Variants in SYNE1 observed in about 807,000 individuals in gnomAD.
SYNE1 encodes nesprin-1.
In SYNE1, 616 loss-of-function variants were observed where a neutral mutation model predicts 1,111.0. The observed-to-expected ratio is 0.55, with a 90% CI of 0.52 to 0.59. The LOEUF is 0.59. Among genes scored for constraint, SYNE1 ranks in the 20% least tolerant of loss-of-function variants. SYNE1 has a pLI of 0.00. For synonymous variants in SYNE1, 3,855 were observed against 3,825.8 expected, an observed-to-expected ratio of 1.01 and a Z score of -0.28; for missense variants, 10,006 against 10,417.0, an observed-to-expected ratio of 0.96 and a Z score of 1.72.
Position 152,362,357 on chromosome 6 carries a change from T to C in SYNE1, c.10146-34A>G, listed in dbSNP as rs202209115. 1.1e-3 allele frequency: 1,790 copies of C among 1,613,890 alleles called. 2 individuals are homozygous for C. The highest frequency in any genetic ancestry group is 1.4e-3 in the Non-Finnish European group (1,653 of 1,179,976). On this transcript the variant is annotated intron_variant, in intron 63 of 145. Transcript: ENST00000367255. ...GATTTGAAAGGACAATAAATCCACATTGAGAATCCTTAGGAGTCTAAAATG... is the reference window on the plus strand; with the variant it reads ...GATTTGAAAGGACAATAAATCCACACTGAGAATCCTTAGGAGTCTAAAATG...
At chr6:152,572,659 GAA>G (rs1049778692) in intron 3 of SYNE1, among the ~76,000 whole-genome samples, 2 of 152,168 alleles carry the variant, frequency 1.3e-5, no homozygotes, top group African/African-American at 2.4e-5. Context: ...ATTCGTTCCA[GAA>G]AAAGTCTTTC....
intron 96 of SYNE1, 66 bp downstream of exon 96, chr6:152,283,912 T>A (rs1045998444): frequency 7.7e-7 from 1 of 1,296,932 alleles, no homozygotes; most frequent in Non-Finnish European, 1.1e-6. Flanking sequence ...GTAACCCACA[T>A]ACTTGGTAAC....
At chr6:152,361,602 A>G (rs2154067826) in intron 64 of SYNE1, among the ~76,000 whole-genome samples, 1 of 152,288 alleles carries the variant, frequency 6.6e-6, no homozygotes, top group Non-Finnish European at 1.5e-5. Flanking sequence ...TCTGTGTAGA[A>G]GATCACAAGT....
rs772233604 is a variant in SYNE1, at chr6:152,230,579, C to G, written c.21163G>C (p.Ala7055Pro). Residue 7055 changes from alanine (A) to proline (P), a missense_variant, in exon 115 of 146, where the codon GCT (alanine) becomes CCT (proline). By Grantham distance (27) the Ala-to-Pro change is conservative. Transcript: ENST00000367255. The stretch of plus-strand genomic sequence containing the variant: ...TCTTTCAGTGCATTTTGAACAGAAG[C>G]CTGATCTCCAATTCGATGCTGTTGT... ...LKQQHRIGDQ[A>P]SVQNALKDCQ... 43 of 1,613,976 alleles carry G rather than the reference C, an allele frequency of 2.7e-5. No individual in the cohort carries two copies. The highest frequency in any genetic ancestry group is 3.6e-5 in the Non-Finnish European group (42 of 1,180,008).
In SYNE1 at chr6:152,122,400, T is replaced by C. The variant is rs1051375789; in HGVS notation, c.*36A>G. The C allele has an allele frequency of 6.2e-7, 1 of 1,613,888 alleles. No individual in the cohort carries two copies. Among genetic ancestry groups the C allele is most frequent in the African/African-American group, 1.3e-5 (1 of 75,062 alleles). On this transcript the variant is annotated 3_prime_UTR_variant, in exon 146 of 146. Coordinates refer to ENST00000367255, the MANE Select transcript of SYNE1 (RefSeq NM_182961.4). The stretch of plus-strand genomic sequence containing the variant: ...ATTGCTTATGACCCGATCCTCCTTA[T>C]GCTACCAGCACTTCTGCAGATGGCA...
intron 55 of SYNE1, among the ~76,000 whole-genome samples, chr6:152,383,584 T>A (rs144637864): frequency 2.6e-5 from 4 of 152,180 alleles, no homozygotes; most frequent in African/African-American, 9.7e-5. Flanking sequence ...TTCTTGTTTT[T>A]CCCCTCCTTT....
At chr6:152,480,273 C>T (rs1402684174) in intron 14 of SYNE1, among the ~76,000 whole-genome samples, 2 of 152,170 alleles carry the variant, frequency 1.3e-5, no homozygotes, top group Non-Finnish European at 2.9e-5. Flanking sequence ...GTCATCCCAG[C>T]GCTTTGGGAG....
intron 130 of SYNE1, among the ~76,000 whole-genome samples, chr6:152,165,718 C>T (rs1040557390): frequency 1.3e-5 from 2 of 152,196 alleles, no homozygotes; most frequent in East Asian, 1.9e-4. Flanking sequence ...GTCCCCCAGA[C>T]ACTTCAAGGC....
chr6:152,397,827 C>A (rs1281825247), intron 49 of SYNE1, among the ~76,000 whole-genome samples: 1 of 151,922 alleles, frequency 6.6e-6, no homozygotes, highest in Non-Finnish European at 1.5e-5. Context: ...ATGGTGAAAC[C>A]TCGTCTCTAC....
chr6:152,376,899 G>A lies in SYNE1; in HGVS notation c.9023C>T (p.Ala3008Val), dbSNP rs1261645409. ...CWHKGQEILD[A>V]LQKAEPRTED... ...TGTTCTAGGCTCTGCTTTTTGCAAAGCATCCAGTATCTCCTGTTCAGAAAT... is the reference window on the plus strand; with the variant it reads ...TGTTCTAGGCTCTGCTTTTTGCAAAACATCCAGTATCTCCTGTTCAGAAAT... Residue 3008 changes from alanine to valine, a missense_variant, in exon 57 of 146, where the codon GCT (alanine) becomes GTT (valine). Ala to Val is a moderately conservative substitution (Grantham distance 64, BLOSUM62 0). This residue lies in a region of SYNE1 where 4,955 missense variants were observed against 5,017.2 expected (regional missense o/e 0.99). Transcript: ENST00000367255. 2.5e-6 allele frequency: 4 copies of A among 1,613,896 alleles called. No homozygotes were observed. The East Asian group carries it at 6.7e-5, about 27-fold the overall frequency.
intron 130 of SYNE1, among the ~76,000 whole-genome samples, chr6:152,172,872 C>A (rs2065546388): frequency 6.6e-6 from 1 of 152,158 alleles, no homozygotes; most frequent in Non-Finnish European, 1.5e-5. Flanking sequence ...AATAAGGTAG[C>A]CACTAGCCTC....
Position 152,321,278 on chromosome 6 carries a change from T to C in SYNE1, c.16196A>G (p.Gln5399Arg). ...TAGATCTAACGCCACTTCAGCCAAC[T>C]GAAGGGAGAGTTCAGAAGGTAATAT... ...YTILPSELSL[Q>R]LAEVALDLKI... The change falls in exon 84 of 146, where the codon CAG becomes CGG. Residue 5399 changes from glutamine to arginine, a missense_variant. Physicochemically the swap from Gln to Arg is conservative, Grantham distance 43. Coordinates refer to ENST00000367255, the MANE Select transcript of SYNE1 (RefSeq NM_182961.4). 1 of 1,613,936 alleles carries C rather than the reference T, an allele frequency of 6.2e-7. No homozygotes were observed. Among genetic ancestry groups the C allele is most frequent in the Non-Finnish European group, 8.5e-7 (1 of 1,179,896 alleles).
rs938422653 is a variant in SYNE1, at chr6:152,404,396, T to G, written c.6724-82A>C. On this transcript the variant is annotated intron_variant, in intron 45 of 145. Coordinates refer to ENST00000367255, the MANE Select transcript of SYNE1 (RefSeq NM_182961.4). ...TTTAATAATTTCAAGAAGAGCTAAC[T>G]TTGTCGAAATACCCCAACTTTAAGC... 145 of 1,060,584 alleles carry G rather than the reference T, an allele frequency of 1.4e-4. No individual in the cohort carries two copies. The Middle Eastern group carries it at 2.4e-3, about 18-fold the overall frequency. 65.7% of individuals were successfully genotyped at this position (1,060,584 alleles called of 1,614,324 possible).
chr6:152,331,357 T>C lies in SYNE1; in HGVS notation c.13328A>G (p.Gln4443Arg), dbSNP rs372942548. 2 of 1,614,110 alleles carry C rather than the reference T, an allele frequency of 1.2e-6. No homozygotes were observed. Among genetic ancestry groups the C allele is most frequent in the Non-Finnish European group, 1.7e-6 (2 of 1,180,052 alleles). ...HVNCLSDLVGQRRKYLNKALS... is the reference protein window; with the variant it reads ...HVNCLSDLVGRRRKYLNKALS... ...GGCTTTGTTTAAGTACTTTCTTCGC[T>C]GGCCCACTAAGTCACTGAGACAATT... Residue 4443 changes from glutamine to arginine, a missense_variant, in exon 78 of 146, where the codon CAG becomes CGG. By Grantham distance (43) the Gln-to-Arg change is conservative. Transcript: ENST00000367255.
chr6:152,618,393 C>A (rs1040024922), intron 3 of SYNE1, among the ~76,000 whole-genome samples: 5 of 152,032 alleles, frequency 3.3e-5, no homozygotes, highest in African/African-American at 1.2e-4. Flanking sequence ...ACGACAACAA[C>A]AAAGAACACC....
intron 63 of SYNE1, among the ~76,000 whole-genome samples, chr6:152,363,451 G>GCA (rs2096981977): frequency 6.6e-6 from 1 of 150,708 alleles, no homozygotes; most frequent in Non-Finnish European, 1.5e-5. Context: ...CCGAGATCGT[G>GCA]CCACTGCACT....
chr6:152,464,737 A>G (rs2098754032), intron 18 of SYNE1: 1 of 164,138 alleles, frequency 6.1e-6, no homozygotes, highest in African/African-American at 2.4e-5. Flanking sequence ...ATAAAACAGT[A>G]ACTCTCACAG....
At chr6:152,594,681 C>G (rs984284567) in intron 3 of SYNE1, among the ~76,000 whole-genome samples, 4 of 152,158 alleles carry the variant, frequency 2.6e-5, no homozygotes, top group Admixed American at 6.5e-5. Flanking sequence ...TGTCACATCT[C>G]CCTCCAGCTA....
chr6:152,186,555 T>TGA lies in SYNE1; in HGVS notation c.23301+2696_23301+2697insTC, dbSNP rs2070032481. 1.4e-4 allele frequency among the ~76,000 whole-genome samples: 6 copies of TGA among 43,324 alleles called. No homozygotes were observed. In the Admixed American group the frequency reaches 2.1e-3, roughly 15 times the overall value. 28.4% of individuals were successfully genotyped at this position (43,324 alleles called of 152,430 possible). ...TGGGCAACAAGAGAGCAGCTCTGTG[T>TGA]CAAAAAAAAAAAAAAAAAAAAAAAA... On this transcript the variant is annotated intron_variant, in intron 128 of 145. Coordinates refer to ENST00000367255, the MANE Select transcript of SYNE1 (RefSeq NM_182961.4).
Sources: gnomAD v4.1 joint callset for allele counts (sites outside exome capture counted in the v4.1 genomes callset) on GRCh38, gnomAD v4.1.1 for gene constraint, gnomAD v4.1.1 regional missense constraint, MANE v1.5 for transcripts, NCBI Gene and HGNC (gene_info 2026-07-23, HGNC 2026-07-21) for gene names.